Variants in AGTPBP1 observed in about 807,000 individuals in gnomAD.
AGTPBP1 encodes the protein cytosolic carboxypeptidase 1.
A neutral mutation model predicts 143.9 loss-of-function variants in AGTPBP1; 70 were observed. The observed-to-expected ratio is 0.49, with a 90% confidence interval of 0.40 to 0.59. The LOEUF (loss-of-function observed/expected upper bound fraction) is 0.59. AGTPBP1 is among the 20% of genes least tolerant of loss of function. The pLI, the probability that AGTPBP1 is intolerant of heterozygous loss-of-function variation, is 0.00. For missense variants in AGTPBP1, 1,229 were observed against 1,464.5 expected (o/e 0.84, Z 2.62); for synonymous variants, 463 against 500.2 (o/e 0.93, Z 0.99).
At chr9:85,725,746 C>T (rs1282478309) in intron 1 of AGTPBP1, among the ~76,000 whole-genome samples, 1 of 151,906 alleles carries the variant, frequency 6.6e-6, no homozygotes, top group Non-Finnish European at 1.5e-5. Flanking sequence ...CCCATTTCTG[C>T]AAAAAATTTA....
intron 1 of AGTPBP1, among the ~76,000 whole-genome samples, chr9:85,720,647 G>GTC (rs1011380238): frequency 1.3e-4 from 19 of 150,992 alleles, no homozygotes; most frequent in African/African-American, 2.4e-4. Flanking sequence ...GATTTTTTGT[G>GTC]TCTCTCTCTC....
Position 85,675,843 on chromosome 9 carries a change from G to A in AGTPBP1, c.436+1593C>T, listed in dbSNP as rs1166996193. Reference sequence around the variant, plus strand: ...GTTTGAGACCATCCTGGCCAACATGGTGAAACCCCGTCTCTACTAAAAATA... The same window carrying A: ...GTTTGAGACCATCCTGGCCAACATGATGAAACCCCGTCTCTACTAAAAATA... On this transcript the variant is annotated intron_variant, in intron 6 of 25. Transcript: ENST00000357081. 4.6e-5 allele frequency among the ~76,000 whole-genome samples: 7 copies of A among 152,120 alleles called. No homozygotes were observed. In the East Asian group the frequency reaches 1.2e-3, roughly 25 times the overall value.
At chr9:85,746,992 G>A (rs538538664), upstream of AGTPBP1, among the ~76,000 whole-genome samples, 12 of 152,048 alleles carry the variant, frequency 7.9e-5, no homozygotes, top group Admixed American at 5.9e-4. Flanking sequence ...CAGCTGGGAC[G>A]ACAGACGCAT....
Position 85,636,245 on chromosome 9 carries a change from A to G in AGTPBP1, c.1303-2871T>C, listed in dbSNP as rs946832842. On this transcript the variant is annotated intron_variant, in intron 13 of 25. Transcript: ENST00000357081. Reference sequence around the variant, plus strand: ...AAAACAAGAAAGACTGATTAAATGCATTTTGTAAGGTTTCTTTTTTTTTTT... The same window carrying G: ...AAAACAAGAAAGACTGATTAAATGCGTTTTGTAAGGTTTCTTTTTTTTTTT... Among the ~76,000 whole-genome samples, 12 of 147,870 alleles carry G rather than the reference A, an allele frequency of 8.1e-5. No homozygotes were observed. The Admixed American group carries it at 8.1e-4, about 10-fold the overall frequency.
intron 17 of AGTPBP1, among the ~76,000 whole-genome samples, chr9:85,618,142 G>A (rs1830702190): frequency 6.6e-6 from 1 of 151,574 alleles, no homozygotes; most frequent in African/African-American, 2.4e-5. Flanking sequence ...CTGATGCAGG[G>A]GAATCACGTG....
chr9:85,767,009 C>CTT, the AGTPBP1 span, among the ~76,000 whole-genome samples: 3 of 128,662 alleles, frequency 2.3e-5, no homozygotes, highest in African/African-American at 2.7e-5. Context: ...GGTCACACCG[C>CTT]TTTTTTTTTT....
intron 1 of AGTPBP1, among the ~76,000 whole-genome samples, chr9:85,730,760 C>G (rs149340623): frequency 6.6e-6 from 1 of 152,292 alleles, no homozygotes; most frequent in East Asian, 1.9e-4. Flanking sequence ...GGGATAGTCA[C>G]TGCTCCTTAT....
At chr9:85,659,220 C>A (rs776818928) in intron 9 of AGTPBP1, among the ~76,000 whole-genome samples, 2 of 152,116 alleles carry the variant, frequency 1.3e-5, no homozygotes, top group Non-Finnish European at 2.9e-5. Context: ...GTAAAGGGAA[C>A]TTTATTCATG....
the AGTPBP1 span, among the ~76,000 whole-genome samples, chr9:85,770,089 GTA>G: frequency 6.8e-6 from 1 of 147,478 alleles, no homozygotes; most frequent in Non-Finnish European, 1.5e-5. Context: ...GTGTGTGTGT[GTA>G]TGTGTATGTA....
chr9:85,605,318 G>A (rs1011320013), intron 17 of AGTPBP1, among the ~76,000 whole-genome samples: 1 of 152,112 alleles, frequency 6.6e-6, no homozygotes, highest in African/African-American at 2.4e-5. Flanking sequence ...TTACAGGTCA[G>A]GAGAAAGTGG....
intron 18 of AGTPBP1, among the ~76,000 whole-genome samples, chr9:85,593,140 G>A (rs1336647719): frequency 6.6e-6 from 1 of 152,106 alleles, no homozygotes; most frequent in Non-Finnish European, 1.5e-5. Context: ...AGATGATGTT[G>A]TTTCCTGATG....
intron 10 of AGTPBP1, 142 bp from the exon 11 acceptor site, chr9:85,655,462 T>A: frequency 1.4e-6 from 1 of 729,656 alleles, no homozygotes. Context: ...ACAGAATAAT[T>A]ACAAAATAGC....
chr9:85,659,798 T>G (rs1321168466), intron 9 of AGTPBP1, among the ~76,000 whole-genome samples: 3 of 152,140 alleles, frequency 2.0e-5, no homozygotes, highest in Non-Finnish European at 4.4e-5. Context: ...ATATTAAGAA[T>G]TAATCTTTAT....
At chr9:85,564,302 T>C (rs541985560) in intron 25 of AGTPBP1, among the ~76,000 whole-genome samples, 85 of 152,362 alleles carry the variant, frequency 5.6e-4, no homozygotes, top group African/African-American at 2.0e-3. Flanking sequence ...TCAAGAATTG[T>C]CACTTCTTTT....
At chr9:85,790,292 G>A in the AGTPBP1 span, among the ~76,000 whole-genome samples, 10 of 152,144 alleles carry the variant, frequency 6.6e-5, no homozygotes, top group African/African-American at 2.4e-4. Flanking sequence ...GCCCAATAAG[G>A]AGAAGTATTT....
At chr9:85,792,040 GGATTT>G in the AGTPBP1 span, 1 of 151,894 alleles carries the variant, frequency 6.6e-6, no homozygotes, top group Admixed American at 6.6e-5. Context: ...AGGCAAAATG[GGATTT>G]ATTTTTGTAA....
chr9:85,633,358 G>A lies in AGTPBP1; in HGVS notation c.1319C>T (p.Ser440Phe). 1 of 1,574,234 alleles carries A rather than the reference G, an allele frequency of 6.4e-7. No individual in the cohort carries two copies. Among genetic ancestry groups the A allele is most frequent in the Non-Finnish European group, 8.6e-7 (1 of 1,167,240 alleles). ...VDDFQDYDLI[S>F]KEPKPFVFEG... is the part of the protein sequence containing the mutation. ...AAATACAAAAGGCTTTGGTTCTTTGGAGATTAAATCATAGTCCTTTGAAAA... is the reference window on the plus strand; with the variant it reads ...AAATACAAAAGGCTTTGGTTCTTTGAAGATTAAATCATAGTCCTTTGAAAA... The change falls in exon 14 of 26, where the codon TCC becomes TTC. Residue 440 changes from serine (S) to phenylalanine (F), a missense_variant. Ser to Phe is a radical substitution (Grantham distance 155). This residue lies in a region of AGTPBP1 where 743 missense variants were observed against 812.2 expected (regional missense o/e 0.91). Transcript: ENST00000357081.
At chr9:85,547,488 C>G (rs774658775) in intron 25 of AGTPBP1, among the ~76,000 whole-genome samples, 1 of 152,140 alleles carries the variant, frequency 6.6e-6, no homozygotes, top group Non-Finnish European at 1.5e-5. Flanking sequence ...AAATGTGAAT[C>G]ATTAATTGTA....
At chr9:85,780,101 G>T in the AGTPBP1 span, among the ~76,000 whole-genome samples, 2 of 152,080 alleles carry the variant, frequency 1.3e-5, no homozygotes, top group South Asian at 4.1e-4. Flanking sequence ...ACAGCCAATT[G>T]TAGCCAAAGA....
Sources: gnomAD v4.1 joint callset for allele counts (sites outside exome capture counted in the v4.1 genomes callset) on GRCh38, gnomAD v4.1.1 for gene constraint, gnomAD v4.1.1 regional missense constraint, MANE v1.5 for transcripts, NCBI Gene and HGNC (gene_info 2026-07-23, HGNC 2026-07-21) for gene names.